The following ROBO2 variants were observed in gnomAD, a reference collection of about 807,000 sequenced individuals.
The protein encoded by ROBO2 is roundabout homolog 2.
A neutral mutation model predicts 160.8 loss-of-function variants in ROBO2; 53 were observed. The ratio of observed to expected loss-of-function variants is 0.33; its 90% CI spans 0.26 to 0.41. The LOEUF is 0.41. Among genes scored for constraint, ROBO2 ranks in the 10% least tolerant of loss-of-function variants. The pLI, the probability that ROBO2 is intolerant of heterozygous loss-of-function variation, is 1.00. For synonymous variants in ROBO2, 664 were observed against 611.7 expected (o/e 1.09, Z -1.26); for missense variants, 1,577 against 1,722.4 (o/e 0.92, Z 1.49).
chr3:76,963,857 A>T (rs981898255), intron 2 of ROBO2, among the ~76,000 whole-genome samples: 1 of 151,322 alleles, frequency 6.6e-6, no homozygotes, highest in Admixed American at 6.6e-5. Flanking sequence ...AAAGAAAAAA[A>T]AGAAAAAAGA....
At chr3:76,367,648 A>G (rs2075890651) in intron 2 of ROBO2, among the ~76,000 whole-genome samples, 1 of 152,000 alleles carries the variant, frequency 6.6e-6, no homozygotes, top group Non-Finnish European at 1.5e-5. Context: ...AGCTTTTTAT[A>G]CCATTTACAT....
intron 2 of ROBO2, among the ~76,000 whole-genome samples, chr3:77,458,582 TTTTG>T (rs2081929978): frequency 1.1e-5 from 1 of 86,958 alleles, no homozygotes; most frequent in Non-Finnish European, 2.5e-5. Flanking sequence ...GTTCTCCAGT[TTTTG>T]TTTTTCTTTT....
In ROBO2 at chr3:77,495,554, C is replaced by T. The variant is rs369631252; in HGVS notation, c.806+2172C>T. 7.9e-5 allele frequency among the ~76,000 whole-genome samples: 12 copies of T among 152,256 alleles called. No homozygotes were observed. In the East Asian group the frequency reaches 1.5e-3, roughly 20 times the overall value. On this transcript the variant is annotated intron_variant, in intron 5 of 25. Coordinates refer to ENST00000461745, the Ensembl canonical transcript of ROBO2. ...GTTCTCATATCTCTCCAGTCTCCTC[C>T]GTCCTGTTACAGGTCCTTAGTTTTT...
At chr3:76,092,798 T>C (rs1477758499) in intron 2 of ROBO2, among the ~76,000 whole-genome samples, 1 of 152,208 alleles carries the variant, frequency 6.6e-6, no homozygotes, top group African/African-American at 2.4e-5. Context: ...TATGAAGATT[T>C]CTATGACTAT....
chr3:77,299,569 A>G (rs2062465506), intron 2 of ROBO2, among the ~76,000 whole-genome samples: 1 of 152,168 alleles, frequency 6.6e-6, no homozygotes, highest in African/African-American at 2.4e-5. Flanking sequence ...TAAAACCATC[A>G]GATTCCCTGA....
rs148593657 is a variant in ROBO2 at position 77,106,463 on chromosome 3, A to C, written c.388+8123A>C. On this transcript the variant is annotated intron_variant, in intron 2 of 25. Coordinates refer to ENST00000461745, the Ensembl canonical transcript of ROBO2. ...AATATAATTTCGTGCAGTAACTCAT[A>C]TGCTTTTCTCCCAGGATTTGTGTTT... 9.2e-5 allele frequency among the ~76,000 whole-genome samples: 14 copies of C among 152,286 alleles called. 1 individual carries two copies. Among genetic ancestry groups the C allele is most frequent in the Admixed American group, 2.6e-4 (4 of 15,306 alleles).
chr3:76,147,018 T>G (rs2071935240), intron 2 of ROBO2, among the ~76,000 whole-genome samples: 1 of 150,984 alleles, frequency 6.6e-6, no homozygotes, highest in African/African-American at 2.4e-5. Flanking sequence ...ATAAGAGTAC[T>G]AGGTTTAACA....
Position 76,158,123 on chromosome 3 carries a change from A to G in ROBO2, c.109+220521A>G, listed in dbSNP as rs115221486. ...GTGGTTTAGTCTATCATTATGCCAT[A>G]TGCTCTCCATCTAGGACTACAGCAG... is the stretch of plus-strand genomic sequence containing the variant. On this transcript the variant is annotated intron_variant, in intron 2 of 26. Transcript: ENST00000487694. 4.4e-3 allele frequency among the ~76,000 whole-genome samples: 671 copies of G among 152,234 alleles called. 9 individuals are homozygous for G. The highest frequency in any genetic ancestry group is 0.015 in the African/African-American group (642 of 41,540).
intron 2 of ROBO2, among the ~76,000 whole-genome samples, chr3:76,484,454 G>A (rs2079381291): frequency 6.6e-6 from 1 of 152,176 alleles, no homozygotes; most frequent in African/African-American, 2.4e-5. Flanking sequence ...AACTCAGTGA[G>A]TCCACAGTCA....
intron 2 of ROBO2, among the ~76,000 whole-genome samples, chr3:77,365,963 G>T (rs566922412): frequency 1.3e-5 from 2 of 152,184 alleles, no homozygotes; most frequent in Admixed American, 6.5e-5. Flanking sequence ...TTTGATTGCA[G>T]AAAAATGTTT....
chr3:76,016,708 A>G (rs1026877342), intron 2 of ROBO2, among the ~76,000 whole-genome samples: 2 of 152,160 alleles, frequency 1.3e-5, no homozygotes, highest in Admixed American at 6.6e-5. Context: ...GAAAGATAGT[A>G]AATAATTGAA....
intron 2 of ROBO2, among the ~76,000 whole-genome samples, chr3:76,040,791 C>T (rs2067251497): frequency 6.6e-6 from 1 of 151,984 alleles, no homozygotes; most frequent in African/African-American, 2.4e-5. Context: ...AGTTCAAGTC[C>T]AGCCTGGCCA....
intron 2 of ROBO2, among the ~76,000 whole-genome samples, chr3:77,310,774 A>G (rs2063478766): frequency 6.6e-6 from 1 of 152,006 alleles, no homozygotes; most frequent in Non-Finnish European, 1.5e-5. Context: ...ACCCAGATTT[A>G]CCAATACAAT....
At chr3:77,427,386 T>C (rs1293021218) in intron 2 of ROBO2, among the ~76,000 whole-genome samples, 1 of 152,230 alleles carries the variant, frequency 6.6e-6, no homozygotes, top group Non-Finnish European at 1.5e-5. Flanking sequence ...ATGGGTGCAA[T>C]TGCTATCTCT....
chr3:76,407,144 T>C (rs534902275), intron 2 of ROBO2, among the ~76,000 whole-genome samples: 1 of 151,960 alleles, frequency 6.6e-6, no homozygotes, highest in East Asian at 1.9e-4. Flanking sequence ...TGGACATTTT[T>C]CCTTCTCTGA....
At chr3:77,074,901 G>T (rs898604474) in intron 1 of ROBO2, among the ~76,000 whole-genome samples, 1 of 152,058 alleles carries the variant, frequency 6.6e-6, no homozygotes, top group African/African-American at 2.4e-5. Flanking sequence ...CCTTGTTTTT[G>T]TTTGCATAGT....
intron 1 of ROBO2, among the ~76,000 whole-genome samples, chr3:77,051,293 G>A (rs1020798000): frequency 1.3e-5 from 2 of 152,098 alleles, no homozygotes; most frequent in African/African-American, 4.8e-5. Context: ...TACAACATGT[G>A]GGTACAGATT....
At chr3:77,398,706 C>T (rs1418896900) in intron 2 of ROBO2, among the ~76,000 whole-genome samples, 1 of 151,988 alleles carries the variant, frequency 6.6e-6, no homozygotes, top group South Asian at 2.1e-4. Context: ...CTCATCCTCC[C>T]TAGTTGCTGG....
At chr3:77,176,554 G>A (rs2080178549) in intron 2 of ROBO2, among the ~76,000 whole-genome samples, 1 of 151,916 alleles carries the variant, frequency 6.6e-6, no homozygotes, top group Non-Finnish European at 1.5e-5. Context: ...TGGCATTCTA[G>A]AAGCATATAT....
Sources: allele counts gnomAD v4.1 joint callset (sites outside exome capture counted in the v4.1 genomes callset), GRCh38; gene constraint gnomAD v4.1.1; transcripts MANE v1.5; gene names NCBI Gene and HGNC (gene_info 2026-07-23, HGNC 2026-07-21).